PAWR: variants seen among roughly 807,000 people sequenced by gnomAD.
PAWR encodes the protein pro-apoptotic WT1 regulator.
Under a neutral mutation model 32.0 loss-of-function variants are expected in PAWR, and 23 were observed. That is an observed-to-expected ratio of 0.72 (90% confidence interval 0.52 to 1.02). The LOEUF (loss-of-function observed/expected upper bound fraction) is 1.02, where lower values mean the gene tolerates loss of function less well. Among genes scored for constraint, PAWR ranks in the 50% least tolerant of loss-of-function variants. PAWR has a pLI of 0.00. For synonymous variants in PAWR, 226 were observed against 187.1 expected (o/e 1.21, Z -1.70); for missense variants, 457 against 437.7 (o/e 1.04, Z -0.39).
intron 6 of PAWR, among the ~76,000 whole-genome samples, 185 bp downstream of exon 6, chr12:79,594,144 A>G (rs1190169812): frequency 1.3e-5 from 2 of 152,218 alleles, no homozygotes; most frequent in African/African-American, 2.4e-5. Context: ...AAATTAAGTG[A>G]GCTAAACTGA....
At chr12:79,630,329 A>C (rs538512945) in intron 2 of PAWR, among the ~76,000 whole-genome samples, 1 of 151,700 alleles carries the variant, frequency 6.6e-6, no homozygotes, top group South Asian at 2.1e-4. Flanking sequence ...TTTTTGAGAC[A>C]GTCTCAGTCA....
intron 2 of PAWR, among the ~76,000 whole-genome samples, chr12:79,642,663 C>T (rs1876381863): frequency 1.3e-5 from 2 of 152,132 alleles, no homozygotes; most frequent in South Asian, 4.1e-4. Flanking sequence ...CTTAAGGCCT[C>T]ATCTAACTTC....
chr12:79,684,826 A>G (rs1192135865), intron 2 of PAWR, among the ~76,000 whole-genome samples: 1 of 152,194 alleles, frequency 6.6e-6, no homozygotes, highest in Non-Finnish European at 1.5e-5. Flanking sequence ...ACACTAAAAT[A>G]TTCTTTGTAT....
Position 79,690,411 on chromosome 12 carries a change from G to A in PAWR, c.-147-20C>T. On this transcript the variant is annotated intron_variant, in intron 1 of 6. Coordinates refer to ENST00000328827, the MANE Select transcript of PAWR (RefSeq NM_002583.4). ...GCGGGGCTGAGGTGAAAGACAAAAGGGGGCGGGTAAGGGAAGCGTAAGATC... is the reference window on the plus strand; with the variant it reads ...GCGGGGCTGAGGTGAAAGACAAAAGAGGGCGGGTAAGGGAAGCGTAAGATC... 1.5e-6 allele frequency: 2 copies of A among 1,311,990 alleles called. No homozygotes were observed. Among genetic ancestry groups the A allele is most frequent in the South Asian group, 1.9e-5 (1 of 52,706 alleles). The allele number at this position is 1,311,990 out of a possible 1,614,324, so 81.3% of individuals were successfully genotyped here. A position where few individuals can be genotyped will look rare whatever the true frequency, so the allele number is the denominator to read the frequency against.
At chr12:79,616,393 A>G (rs1301147352) in intron 3 of PAWR, among the ~76,000 whole-genome samples, 1 of 152,170 alleles carries the variant, frequency 6.6e-6, no homozygotes, top group South Asian at 2.1e-4. Flanking sequence ...TACTAGATTT[A>G]CTAATTTGTG....
chr12:79,610,546 AG>A (rs1874385638), intron 4 of PAWR, among the ~76,000 whole-genome samples: 1 of 152,160 alleles, frequency 6.6e-6, no homozygotes, highest in African/African-American at 2.4e-5. Context: ...TTCGTTTAAA[AG>A]GCAGAAATCA....
chr12:79,592,428 C>T lies in PAWR; in HGVS notation c.*179G>A, dbSNP rs1275069486. On this transcript the variant is annotated 3_prime_UTR_variant, in exon 7 of 7. Coordinates refer to ENST00000328827, the MANE Select transcript of PAWR (RefSeq NM_002583.4). ...TTATTTGTGAGATAAAAGGATAATG[C>T]TTTTTTAAAACCAATAATGAAAAAG... 2.0e-6 allele frequency: 1 copy of T among 492,130 alleles called. No homozygotes were observed. Among genetic ancestry groups the T allele is most frequent in the East Asian group, 3.7e-5 (1 of 27,172 alleles). 30.5% of individuals were successfully genotyped at this position (492,130 alleles called of 1,614,324 possible).
In PAWR at chr12:79,596,530, T is replaced by A; in HGVS notation, c.812A>T (p.Lys271Ile). 1.3e-6 allele frequency: 2 copies of A among 1,567,686 alleles called. No individual in the cohort carries two copies. Among genetic ancestry groups the A allele is most frequent in the Non-Finnish European group, 1.7e-6 (2 of 1,149,248 alleles). ...TLVSSSTLEK[K>I]IEDLEKEVVR... ...CCATACCTTTTCAAGATCTTCAATT[T>A]TCTTTTCCAGTGTGCTACTTGAAAC... The change falls in exon 5 of 7, where the codon AAA (lysine) becomes ATA (isoleucine). Residue 271 changes from lysine (K) to isoleucine (I), a missense_variant. Lys to Ile is a moderately radical substitution (Grantham distance 102, BLOSUM62 -3). Coordinates refer to ENST00000328827, the MANE Select transcript of PAWR (RefSeq NM_002583.4).
At chr12:79,640,696 G>A (rs901960108) in intron 2 of PAWR, among the ~76,000 whole-genome samples, 5 of 152,094 alleles carry the variant, frequency 3.3e-5, no homozygotes, top group South Asian at 2.1e-4. Flanking sequence ...GCAGTGAGCC[G>A]TGATCATGCC....
intron 2 of PAWR, chr12:79,632,152 T>TACA (rs1193192086): frequency 1.2e-3 from 147 of 121,996 alleles, no homozygotes; most frequent in African/African-American, 4.3e-3. Flanking sequence ...AAAAAAAAAA[T>TACA]ACAACAACAA....
rs373477552 is a variant in PAWR at position 79,667,506 on chromosome 12, CTG to C, written c.516+22221_516+22222del. 6.5e-3 allele frequency among the ~76,000 whole-genome samples: 990 copies of C among 152,144 alleles called. 11 individuals carry two copies. Among genetic ancestry groups the C allele is most frequent in the African/African-American group, 0.02 (810 of 41,510 alleles). ...CAACAAGCTTTATTCAACAGATAAACTGTGAAAAAATAATACAGGAAGAATGT... is the reference window on the plus strand; with the variant it reads ...CAACAAGCTTTATTCAACAGATAAACTGAAAAAATAATACAGGAAGAATGT... On this transcript the variant is annotated intron_variant, in intron 2 of 6. Transcript: ENST00000328827.
chr12:79,648,076 T>C lies in PAWR; in HGVS notation c.517-26869A>G, dbSNP rs183934038. On this transcript the variant is annotated intron_variant, in intron 2 of 6. Coordinates refer to ENST00000328827, the MANE Select transcript of PAWR (RefSeq NM_002583.4). Reference sequence around the variant, plus strand: ...GCAGAGCTCAGGCAGTAATGTTAACTTGCTTGCCAGCGGCTCACCTCCTGC... The same window carrying C: ...GCAGAGCTCAGGCAGTAATGTTAACCTGCTTGCCAGCGGCTCACCTCCTGC... Among the ~76,000 whole-genome samples the C allele has an allele frequency of 1.2e-3, 179 of 152,314 alleles. 1 individual carries two copies. The highest frequency in any genetic ancestry group is 4.2e-3 in the African/African-American group (174 of 41,566).
At chr12:79,672,676 T>C (rs180935534) in intron 2 of PAWR, among the ~76,000 whole-genome samples, 68 of 151,218 alleles carry the variant, frequency 4.5e-4, no homozygotes, top group Non-Finnish European at 2.9e-5. Context: ...TTAGATCACA[T>C]CCATACCCCT....
chr12:79,616,184 T>C (rs1042266917), intron 3 of PAWR, among the ~76,000 whole-genome samples: 3 of 152,156 alleles, frequency 2.0e-5, no homozygotes, highest in Non-Finnish European at 4.4e-5. Context: ...CTAAGGCGTA[T>C]GATGTCTGAC....
In PAWR at chr12:79,600,421, C is replaced by T. The variant is rs1017917365; in HGVS notation, c.684-3763G>A. Among the ~76,000 whole-genome samples the T allele has an allele frequency of 4.1e-5, 6 of 145,880 alleles. No homozygotes were observed. In the East Asian group the frequency reaches 1.2e-3, roughly 29 times the overall value. On this transcript the variant is annotated intron_variant, in intron 4 of 6. Coordinates refer to ENST00000328827, the MANE Select transcript of PAWR (RefSeq NM_002583.4). Reference sequence around the variant, plus strand: ...ATATATTTTTAAATTATTTATGGGACGAGAAGAAGTGTGATTAAAATTAAC... The same window carrying T: ...ATATATTTTTAAATTATTTATGGGATGAGAAGAAGTGTGATTAAAATTAAC...
At chr12:79,626,952 G>C (rs895746396) in intron 2 of PAWR, among the ~76,000 whole-genome samples, 2 of 152,178 alleles carry the variant, frequency 1.3e-5, no homozygotes, top group African/African-American at 4.8e-5. Context: ...GTATTCCATG[G>C]TGTGTATATG....
chr12:79,618,572 A>G (rs1221288107), intron 3 of PAWR, among the ~76,000 whole-genome samples: 1 of 152,116 alleles, frequency 6.6e-6, no homozygotes, highest in African/African-American at 2.4e-5. Context: ...CCATTGGCCA[A>G]TGTTTCTCCT....
chr12:79,628,005 T>C (rs1300359700), intron 2 of PAWR, among the ~76,000 whole-genome samples: 1 of 152,176 alleles, frequency 6.6e-6, no homozygotes, highest in Non-Finnish European at 1.5e-5. Flanking sequence ...AGAATATACA[T>C]TCTTTTCAGT....
chr12:79,614,619 A>G (rs1015672116), intron 3 of PAWR, among the ~76,000 whole-genome samples: 2 of 152,194 alleles, frequency 1.3e-5, no homozygotes, highest in African/African-American at 4.8e-5. Flanking sequence ...TCACTTTAAT[A>G]AAACAGGTCA....
Sources: gnomAD v4.1 joint callset for allele counts (sites outside exome capture counted in the v4.1 genomes callset) on GRCh38, gnomAD v4.1.1 for gene constraint, MANE v1.5 for transcripts, NCBI Gene and HGNC (gene_info 2026-07-23, HGNC 2026-07-21) for gene names.